TSC22D1: variants seen among roughly 807,000 people sequenced by gnomAD.
TSC22D1 encodes the protein TSC22 domain family member 1.
Under a neutral mutation model 74.2 loss-of-function variants are expected in TSC22D1, and 9 were observed. The ratio of observed to expected loss-of-function variants is 0.12; its 90% CI spans 0.07 to 0.21. The LOEUF (loss-of-function observed/expected upper bound fraction) is 0.21, where lower values mean the gene tolerates loss of function less well. Ranked by LOEUF, TSC22D1 falls within the 10% of genes least tolerant of loss-of-function variation. TSC22D1 has a pLI of 1.00. For synonymous variants in TSC22D1, 586 were observed against 492.5 expected, an observed-to-expected ratio of 1.19 and a Z score of -2.51; for missense variants, 1,427 against 1,304.7, an observed-to-expected ratio of 1.09 and a Z score of -1.44.
Position 44,434,233 on chromosome 13 carries a change from C to A in TSC22D1, c.*393G>T, listed in dbSNP as rs1211708794. ...GGAGAGAGGCGAGTCCAGTGAGGAG[C>A]TCCATCGCTTCACAACCCCATGTAG... On this transcript the variant is annotated 3_prime_UTR_variant, in exon 3 of 3. Coordinates refer to ENST00000458659, the MANE Select transcript of TSC22D1 (RefSeq NM_183422.4). 1 of 1,419,152 alleles carries A rather than the reference C, an allele frequency of 7.0e-7. No individual in the cohort carries two copies. The highest frequency in any genetic ancestry group is 9.1e-7 in the Non-Finnish European group (1 of 1,100,526). 87.9% of individuals were successfully genotyped at this position (1,419,152 alleles called of 1,614,324 possible).
chr13:44,529,564 T>A (rs1357527749), intron 1 of TSC22D1, among the ~76,000 whole-genome samples: 2 of 152,040 alleles, frequency 1.3e-5, no homozygotes, highest in African/African-American at 2.4e-5. Context: ...CCACCCCAAT[T>A]CAACATTATA....
chr13:44,505,707 T>C (rs1306224563), intron 1 of TSC22D1, among the ~76,000 whole-genome samples: 2 of 152,198 alleles, frequency 1.3e-5, no homozygotes, highest in African/African-American at 2.4e-5. Context: ...ATCATTGTTA[T>C]TGAACTACTA....
At chr13:44,437,433 C>T in intron 1 of TSC22D1, 1 of 200,774 alleles carries the variant, frequency 5.0e-6, no homozygotes. Context: ...GAAAAAAAAT[C>T]ACATTTGCTC....
intron 1 of TSC22D1, among the ~76,000 whole-genome samples, chr13:44,442,423 G>A (rs967587777): frequency 4.6e-5 from 7 of 151,960 alleles, no homozygotes; most frequent in Admixed American, 1.3e-4. Context: ...AGAAAGTAGA[G>A]GAAAACATTA....
In TSC22D1 at chr13:44,494,308, G is replaced by A. The variant is rs1480772601; in HGVS notation, c.2913-58213C>T. ...GGAGAATCGCTTGAACCCAAGAGGT[G>A]GAGGTTGCAGTGAGCCGAGATCACA... On this transcript the variant is annotated intron_variant, in intron 1 of 2. Transcript: ENST00000458659. 2.1e-5 allele frequency among the ~76,000 whole-genome samples: 3 copies of A among 143,530 alleles called. No individual in the cohort carries two copies. In the Admixed American group the frequency reaches 2.1e-4, roughly 10 times the overall value. The allele number at this position is 143,530 out of a possible 152,430, so 94.2% of individuals were successfully genotyped here.
intron 1 of TSC22D1, among the ~76,000 whole-genome samples, chr13:44,512,657 C>CTCTT (rs35496155): frequency 0.45 from 68,241 of 151,342 alleles, 15,785 homozygotes; most frequent in Non-Finnish European, 0.51. Context: ...TAAAAGCAAT[C>CTCTT]TTTTTTGTTT....
intron 1 of TSC22D1, among the ~76,000 whole-genome samples, chr13:44,525,604 A>T (rs1302574627): frequency 6.6e-6 from 1 of 152,088 alleles, no homozygotes; most frequent in African/African-American, 2.4e-5. Flanking sequence ...AAGTAAAAAT[A>T]AAAGGGAGTC....
At chr13:44,549,563 A>C (rs1438866994) in intron 1 of TSC22D1, among the ~76,000 whole-genome samples, 1 of 152,054 alleles carries the variant, frequency 6.6e-6, no homozygotes, top group Non-Finnish European at 1.5e-5. Flanking sequence ...TCTTGAGCTC[A>C]GGAGTTCAAG....
chr13:44,563,723 A>G (rs532444068), intron 1 of TSC22D1, among the ~76,000 whole-genome samples: 1 of 152,336 alleles, frequency 6.6e-6, no homozygotes, highest in South Asian at 2.1e-4. Flanking sequence ...AATCTACACC[A>G]TCTGTGAACT....
intron 1 of TSC22D1, among the ~76,000 whole-genome samples, chr13:44,565,548 T>G (rs1043615783): frequency 2.0e-5 from 3 of 152,118 alleles, no homozygotes; most frequent in African/African-American, 7.2e-5. Context: ...TAAAGATACT[T>G]TAAAATTTTT....
Position 44,516,890 on chromosome 13 carries a change from T to C in TSC22D1, c.2912+56273A>G, listed in dbSNP as rs1176344486. On this transcript the variant is annotated intron_variant, in intron 1 of 2. Transcript: ENST00000458659. ...AAAAGCAGATCAATTACCTATAAGA[T>C]GGAGGAAGAAAGGGATAGCAGTCTC... is the stretch of plus-strand genomic sequence containing the variant. Among the ~76,000 whole-genome samples, 4 of 152,214 alleles carry C rather than the reference T, an allele frequency of 2.6e-5. No individual in the cohort carries two copies. In the South Asian group the frequency reaches 8.3e-4, roughly 31 times the overall value.
At chr13:44,437,623 T>G (rs184578740) in intron 1 of TSC22D1, among the ~76,000 whole-genome samples, 12 of 152,294 alleles carry the variant, frequency 7.9e-5, no homozygotes, top group Admixed American at 7.2e-4. Flanking sequence ...TAAATATGCC[T>G]TCTTCTATTT....
At chr13:44,491,621 G>GCTCTT (rs1277591874) in intron 1 of TSC22D1, among the ~76,000 whole-genome samples, 1 of 150,728 alleles carries the variant, frequency 6.6e-6, no homozygotes, top group African/African-American at 2.4e-5. Context: ...CCGTAAATAA[G>GCTCTT]TACAATCCAA....
In TSC22D1 at chr13:44,567,703, G is replaced by A. The variant is rs534215634; in HGVS notation, c.2912+5460C>T. On this transcript the variant is annotated intron_variant, in intron 1 of 2. Transcript: ENST00000458659. Reference sequence around the variant, plus strand: ...ATGAAAAGTAGTTGAGAAAACACAAGAAAATTAGAAGACCAGTCAAGAAGG... The same window carrying A: ...ATGAAAAGTAGTTGAGAAAACACAAAAAAATTAGAAGACCAGTCAAGAAGG... 1.4e-3 allele frequency among the ~76,000 whole-genome samples: 213 copies of A among 152,046 alleles called. 1 individual carries two copies. Among genetic ancestry groups the A allele is most frequent in the African/African-American group, 4.7e-3 (197 of 41,536 alleles).
intron 1 of TSC22D1, among the ~76,000 whole-genome samples, chr13:44,555,052 G>A (rs1882538290): frequency 6.6e-6 from 1 of 151,356 alleles, no homozygotes; most frequent in Non-Finnish European, 1.5e-5. Context: ...TTCCTAATAA[G>A]CCACTTGTAG....
At chr13:44,507,517 C>A (rs1031796000) in intron 1 of TSC22D1, among the ~76,000 whole-genome samples, 1 of 151,592 alleles carries the variant, frequency 6.6e-6, no homozygotes, top group Non-Finnish European at 1.5e-5. Flanking sequence ...TTGATGCTAG[C>A]CCCCTATAGC....
chr13:44,568,496 TA>T (rs1226532302), intron 1 of TSC22D1, among the ~76,000 whole-genome samples: 1 of 152,066 alleles, frequency 6.6e-6, no homozygotes, highest in Non-Finnish European at 1.5e-5. Flanking sequence ...AAAGAATTTT[TA>T]AAAATAATTA....
At chr13:44,551,394 GTGTGT>G (rs1566169574) in intron 1 of TSC22D1, among the ~76,000 whole-genome samples, 27 of 109,590 alleles carry the variant, frequency 2.5e-4, no homozygotes, top group African/African-American at 1.2e-3. Flanking sequence ...AGATGGGTGT[GTGTGT>G]GTGTGTGTGT....
intron 1 of TSC22D1, among the ~76,000 whole-genome samples, chr13:44,560,474 A>C (rs920911398): frequency 1.1e-4 from 17 of 152,206 alleles, no homozygotes; most frequent in African/African-American, 3.9e-4. Context: ...GGAACTTTTA[A>C]TTTTACTTCT....
Sources: allele counts gnomAD v4.1 joint callset (sites outside exome capture counted in the v4.1 genomes callset), GRCh38; gene constraint gnomAD v4.1.1; transcripts MANE v1.5; gene names NCBI Gene and HGNC (gene_info 2026-07-23, HGNC 2026-07-21).